TCL1A: variants seen among roughly 807,000 people sequenced by gnomAD.
The protein encoded by TCL1A is T-cell leukemia/lymphoma protein 1A.
A neutral mutation model predicts 16.9 loss-of-function variants in TCL1A; 9 were observed. That is an observed-to-expected ratio of 0.53 (90% CI 0.32 to 0.93). The LOEUF (loss-of-function observed/expected upper bound fraction) is 0.93, where lower values mean the gene tolerates loss of function less well. Among genes scored for constraint, TCL1A ranks in the 40% least tolerant of loss-of-function variants. TCL1A has a pLI of 0.04. For synonymous variants in TCL1A, 69 were observed against 63.2 expected, an observed-to-expected ratio of 1.09 and a Z score of -0.44; for missense variants, 139 against 153.0, an observed-to-expected ratio of 0.91 and a Z score of 0.48.
intron 1 of TCL1A, among the ~76,000 whole-genome samples, chr14:95,713,446 T>A (rs57097455): frequency 6.6e-6 from 1 of 152,318 alleles, no homozygotes. Context: ...TACCGGCGCT[T>A]ATACTACGAC....
In TCL1A at chr14:95,714,083, C is replaced by A; in HGVS notation, c.-17G>T. 1 of 1,612,788 alleles carries A rather than the reference C, an allele frequency of 6.2e-7. No homozygotes were observed. Among genetic ancestry groups the A allele is most frequent in the Non-Finnish European group, 8.5e-7 (1 of 1,179,890 alleles). On this transcript the variant is annotated 5_prime_UTR_variant, in exon 1 of 4. In the 5' UTR this introduces an upstream ATG that the reference lacks. Transcript: ENST00000402399. Reference sequence around the variant, plus strand: ...CTCGGCCATGGCGTCCTCGGGCCGCCTAAGAAGCAAGAGCCAGAGCCTCTC... The same window carrying A: ...CTCGGCCATGGCGTCCTCGGGCCGCATAAGAAGCAAGAGCCAGAGCCTCTC...
chr14:95,714,063 C>A lies in TCL1A; in HGVS notation c.4G>T (p.Ala2Ser), dbSNP rs1193238427. The change falls in exon 1 of 4, where the codon GCC becomes TCC. Residue 2 changes from alanine (A) to serine (S), a missense_variant. By Grantham distance (99) the Ala-to-Ser change is moderately conservative. Transcript: ENST00000402399. MAECPTLGEAVT... is the reference protein window; with the variant it reads MSECPTLGEAVT... Reference sequence around the variant, plus strand: ...GCCTCCCCGAGTGTCGGGCACTCGGCCATGGCGTCCTCGGGCCGCCTAAGA... The same window carrying A: ...GCCTCCCCGAGTGTCGGGCACTCGGACATGGCGTCCTCGGGCCGCCTAAGA... The A allele has an allele frequency of 4.3e-6, 7 of 1,613,552 alleles. No individual in the cohort carries two copies. The African/African-American group carries it at 6.7e-5, about 15-fold the overall frequency.
At chr14:95,713,436 T>A (rs146226332) in intron 1 of TCL1A, among the ~76,000 whole-genome samples, 4 of 152,310 alleles carry the variant, frequency 2.6e-5, no homozygotes, top group South Asian at 2.1e-4. Context: ...ATTGATTCAA[T>A]ACCGGCGCTT....
chr14:95,711,295 T>TAAAAAA (rs1163643091), intron 3 of TCL1A, among the ~76,000 whole-genome samples: 1 of 79,770 alleles, frequency 1.3e-5, no homozygotes, highest in Non-Finnish European at 2.5e-5. Context: ...CCGTCTCTAC[T>TAAAAAA]AAAAAAAAAA....
At chr14:95,713,431 T>A (rs537270924) in intron 1 of TCL1A, among the ~76,000 whole-genome samples, 3 of 152,306 alleles carry the variant, frequency 2.0e-5, no homozygotes, top group East Asian at 1.9e-4. Context: ...TCAATATTGA[T>A]TCAATACCGG....
chr14:95,711,180 C>A (rs1202706935), intron 3 of TCL1A, among the ~76,000 whole-genome samples: 1 of 151,832 alleles, frequency 6.6e-6, no homozygotes, highest in African/African-American at 2.4e-5. Context: ...AATGGTAAGG[C>A]CGGACGTGGT....
rs776337946 is a variant in TCL1A at position 95,713,956 on chromosome 14, T to G, written c.111A>C (p.Leu37Phe). Reference protein sequence around the residue: ...LDEKQHAWLPLTIEIKDRLQL... With the variant: ...LDEKQHAWLPFTIEIKDRLQL... ...CCAAAGCTGGCTGTACCTCGATGGT[T>G]AAGGGCAGCCAGGCGTGCTGCTTCT... is the stretch of plus-strand genomic sequence containing the variant. Residue 37 changes from leucine (L) to phenylalanine (F), a missense_variant, in exon 1 of 4, where the codon TTA becomes TTC. Leu to Phe is a conservative substitution (Grantham distance 22, BLOSUM62 0). Around this residue, in one of 2 missense-constraint regions of TCL1A, gnomAD observed 94 missense variants for 80.2 expected, o/e 1.17. Transcript: ENST00000402399. 1.9e-6 allele frequency: 3 copies of G among 1,613,812 alleles called. No homozygotes were observed. The highest frequency in any genetic ancestry group is 1.7e-5 in the Admixed American group (1 of 60,034).
chr14:95,712,663 G>A (rs778319991), intron 1 of TCL1A: 16 of 1,414,672 alleles, frequency 1.1e-5, no homozygotes, highest in African/African-American at 1.4e-5. Context: ...TTTTTCTGGC[G>A]GGTTGCAGCG....
chr14:95,713,501 G>T (rs1026546117), intron 1 of TCL1A, among the ~76,000 whole-genome samples: 1 of 152,278 alleles, frequency 6.6e-6, no homozygotes, highest in South Asian at 2.1e-4. Context: ...AGAGGTAGTG[G>T]AAAATACTTC....
chr14:95,713,611 T>TA (rs1886449296), intron 1 of TCL1A, among the ~76,000 whole-genome samples: 1 of 152,202 alleles, frequency 6.6e-6, no homozygotes, highest in South Asian at 2.1e-4. Flanking sequence ...ATGATTCCGA[T>TA]AATCGGCCAT....
intron 3 of TCL1A, chr14:95,711,519 G>A (rs1886353415): frequency 2.1e-6 from 1 of 477,258 alleles, no homozygotes; most frequent in Non-Finnish European, 3.7e-6. Flanking sequence ...AACTTGTGAA[G>A]TACTTTATAG....
chr14:95,711,623 T>C, intron 3 of TCL1A, 126 bp downstream of exon 3: 2 of 1,132,786 alleles, frequency 1.8e-6, no homozygotes, highest in South Asian at 1.5e-5. Flanking sequence ...GCCTCTCCCA[T>C]CCCTAGGGAC....
chr14:95,710,249 G>A lies in TCL1A; in HGVS notation c.*639C>T, dbSNP rs186505168. The stretch of plus-strand genomic sequence containing the variant: ...CCGGCCTGGCCTCCTGCTGCGTCCC[G>A]GGATGTGGACCACTGACCCAGAGGC... On this transcript the variant is annotated 3_prime_UTR_variant, in exon 4 of 4. Transcript: ENST00000402399. 726 of 152,682 alleles carry A rather than the reference G, an allele frequency of 4.8e-3. 6 individuals carry two copies. The highest frequency in any genetic ancestry group is 0.017 in the Middle Eastern group (5 of 298). The allele number at this position is 152,682 out of a possible 1,614,324, so 9.5% of individuals were successfully genotyped here. A position where few individuals can be genotyped will look rare whatever the true frequency, so the allele number is the denominator to read the frequency against.
At chr14:95,712,171 A>G (rs756521296) in intron 2 of TCL1A, 49 bp downstream of exon 2, 13 of 1,608,096 alleles carry the variant, frequency 8.1e-6, no homozygotes, top group African/African-American at 1.3e-5. Flanking sequence ...GACATGGAGG[A>G]GGGCAAACCC....
chr14:95,712,822 T>A, intron 1 of TCL1A: 2 of 572,014 alleles, frequency 3.5e-6, no homozygotes, highest in Non-Finnish European at 5.5e-6. Flanking sequence ...AGAAAAAGAA[T>A]ACTGGCCTTT....
intron 1 of TCL1A, among the ~76,000 whole-genome samples, chr14:95,713,443 G>A (rs189620203): frequency 6.6e-6 from 1 of 152,240 alleles, no homozygotes; most frequent in African/African-American, 2.4e-5. Context: ...CAATACCGGC[G>A]CTTATACTAC....
In TCL1A at chr14:95,714,058, C is replaced by T. The variant is rs1206492825; in HGVS notation, c.9G>A (p.Glu3=). Residue 3 remains glutamate, a synonymous_variant, in exon 1 of 4, where the codon GAG becomes GAA. Coordinates refer to ENST00000402399, the MANE Select transcript of TCL1A (RefSeq NM_021966.3). ...TGACTGCCTCCCCGAGTGTCGGGCA[C>T]TCGGCCATGGCGTCCTCGGGCCGCC... The part of the protein sequence containing the change: MA[E]CPTLGEAVTD... 6.2e-7 allele frequency: 1 copy of T among 1,613,886 alleles called. No homozygotes were observed. Among genetic ancestry groups the T allele is most frequent in the Admixed American group, 1.7e-5 (1 of 60,030 alleles).
intron 3 of TCL1A, 136 bp downstream of exon 3, chr14:95,711,613 G>A: frequency 4.1e-6 from 4 of 967,564 alleles, no homozygotes; most frequent in Non-Finnish European, 6.1e-6. Flanking sequence ...CCTCCAGGAA[G>A]CCTCTCCCAT....
chr14:95,713,443 G>T (rs189620203), intron 1 of TCL1A, among the ~76,000 whole-genome samples: 1 of 152,126 alleles, frequency 6.6e-6, no homozygotes, highest in African/African-American at 2.4e-5. Context: ...CAATACCGGC[G>T]CTTATACTAC....
Sources: gnomAD v4.1 joint callset for allele counts (sites outside exome capture counted in the v4.1 genomes callset) on GRCh38, gnomAD v4.1.1 for gene constraint, gnomAD v4.1.1 regional missense constraint, MANE v1.5 for transcripts, NCBI Gene and HGNC (gene_info 2026-07-23, HGNC 2026-07-21) for gene names.